Variants in EIF4E3 observed in about 807,000 individuals in gnomAD.
The protein encoded by EIF4E3 is eukaryotic translation initiation factor 4E type 3.
Under a neutral mutation model 31.7 loss-of-function variants are expected in EIF4E3, and 26 were observed. The ratio of observed to expected loss-of-function variants is 0.82; its 90% CI spans 0.60 to 1.14. The LOEUF (loss-of-function observed/expected upper bound fraction) is 1.14. Ranked by LOEUF, EIF4E3 falls within the 50% of genes most tolerant of loss-of-function variation. The pLI, the probability that EIF4E3 is intolerant of heterozygous loss-of-function variation, is 0.00. For synonymous variants in EIF4E3, 128 were observed against 107.7 expected, an observed-to-expected ratio of 1.19 and a Z score of -1.17; for missense variants, 304 against 270.9, an observed-to-expected ratio of 1.12 and a Z score of -0.86.
At chr3:71,667,413 A>C in the EIF4E3 span, among the ~76,000 whole-genome samples, 2 of 152,206 alleles carry the variant, frequency 1.3e-5, no homozygotes, top group Non-Finnish European at 2.9e-5. Flanking sequence ...GCAATTAGGC[A>C]AGAGGAAGAA....
intron 5 of EIF4E3, among the ~76,000 whole-genome samples, chr3:71,691,640 C>G (rs1314224330): frequency 2.0e-5 from 3 of 152,168 alleles, no homozygotes; most frequent in Non-Finnish European, 4.4e-5. Flanking sequence ...CAGTTGTATG[C>G]TTACTTTGTG....
chr3:71,686,678 T>C (rs1297033945), intron 6 of EIF4E3, among the ~76,000 whole-genome samples: 2 of 152,144 alleles, frequency 1.3e-5, no homozygotes, highest in Non-Finnish European at 2.9e-5. Flanking sequence ...AGAGGTACCA[T>C]AGAACTACAG....
At chr3:71,671,058 G>A (rs894492295), downstream of EIF4E3, among the ~76,000 whole-genome samples, 1 of 152,118 alleles carries the variant, frequency 6.6e-6, no homozygotes, top group African/African-American at 2.4e-5. Context: ...TCTAACAGCT[G>A]AACCTCTGTG....
chr3:71,701,688 T>C (rs2049218848), intron 2 of EIF4E3, among the ~76,000 whole-genome samples: 1 of 152,220 alleles, frequency 6.6e-6, no homozygotes, highest in Non-Finnish European at 1.5e-5. Flanking sequence ...TTAGCTATGT[T>C]GAATGATAAT....
intron 1 of EIF4E3, among the ~76,000 whole-genome samples, chr3:71,742,882 G>T (rs2049833878): frequency 6.6e-6 from 1 of 152,154 alleles, no homozygotes; most frequent in Admixed American, 6.5e-5. Context: ...GTAAATCAGT[G>T]TGGTTATCTC....
chr3:71,684,985 G>A (rs1049675049), intron 6 of EIF4E3, among the ~76,000 whole-genome samples: 8 of 152,178 alleles, frequency 5.3e-5, no homozygotes, highest in Non-Finnish European at 1.0e-4. Context: ...CTGTGCCTGG[G>A]AGGATGAGTC....
At chr3:71,661,257 T>A in the EIF4E3 span, among the ~76,000 whole-genome samples, 8 of 152,130 alleles carry the variant, frequency 5.3e-5, no homozygotes, top group Admixed American at 2.0e-4. Flanking sequence ...GCAGTTTCTT[T>A]ACGTTTCTGG....
rs370102267 is a variant in EIF4E3, at chr3:71,707,876, T to C, written c.249+2536A>G. ...TTATTAACTTCTAATTCATTCTTTT[T>C]TTTTTTTTTTTTGAGAGTGTGTGTG... On this transcript the variant is annotated intron_variant, in intron 2 of 6. Coordinates refer to ENST00000425534, the MANE Select transcript of EIF4E3 (RefSeq NM_001134651.2). 2.1e-4 allele frequency among the ~76,000 whole-genome samples: 32 copies of C among 150,834 alleles called. No individual in the cohort carries two copies. The East Asian group carries it at 6.2e-3, about 29-fold the overall frequency.
chr3:71,686,527 C>G (rs1398809528), intron 6 of EIF4E3, among the ~76,000 whole-genome samples: 6 of 140,616 alleles, frequency 4.3e-5, no homozygotes, highest in Middle Eastern at 3.9e-3. Context: ...TTTAACTTTG[C>G]AAATATTTCA....
At position 71,681,626 on chromosome 3, in the gene EIF4E3, A is replaced by C. The variant is rs371380998; in HGVS notation, c.*3056T>G. ...GGCAGATTCTGAGTACTCTCCATTT[A>C]AGGACGCCTGCACCGGGATACAACT... On this transcript the variant is annotated 3_prime_UTR_variant, in exon 7 of 7. Coordinates refer to ENST00000425534, the MANE Select transcript of EIF4E3 (RefSeq NM_001134651.2). The C allele has an allele frequency of 3.3e-5, 5 of 152,316 alleles. No homozygotes were observed. The highest frequency in any genetic ancestry group is 1.2e-4 in the African/African-American group (5 of 41,540). The allele number at this position is 152,316 out of a possible 1,614,324, so 9.4% of individuals were successfully genotyped here.
rs1212955350 is a variant in EIF4E3 at position 71,725,175 on chromosome 3, G to A, written c.176+17C>T. 4.9e-4 allele frequency: 527 copies of A among 1,081,854 alleles called. 1 individual carries two copies. The highest frequency in any genetic ancestry group is 5.6e-4 in the Non-Finnish European group (503 of 894,944). 67.0% of individuals were successfully genotyped at this position (1,081,854 alleles called of 1,614,324 possible). On this transcript the variant is annotated intron_variant, in intron 1 of 6. Coordinates refer to ENST00000425534, the MANE Select transcript of EIF4E3 (RefSeq NM_001134651.2). This position sits in a 1 kb window ranked among gnomAD's most constrained non-coding sequence, Gnocchi z 6.1. Reference sequence around the variant, plus strand: ...CCCGGGTCGGGGCCGTGCGCGGCGGGCCCCGCGCCCCCTCACCTGTCGAGC... The same window carrying A: ...CCCGGGTCGGGGCCGTGCGCGGCGGACCCCGCGCCCCCTCACCTGTCGAGC...
chr3:71,702,773 T>C (rs867785741), intron 2 of EIF4E3, among the ~76,000 whole-genome samples: 1 of 151,530 alleles, frequency 6.6e-6, no homozygotes, highest in South Asian at 2.1e-4. Flanking sequence ...TGTTTCCCTG[T>C]TGCAAACCTC....
At chr3:71,660,796 T>A in the EIF4E3 span, among the ~76,000 whole-genome samples, 1 of 152,144 alleles carries the variant, frequency 6.6e-6, no homozygotes, top group Admixed American at 6.5e-5. Flanking sequence ...GAGATGTCGT[T>A]TTTGGAAAGA....
chr3:71,736,541 A>C (rs1327694315), intron 1 of EIF4E3, among the ~76,000 whole-genome samples: 1 of 152,252 alleles, frequency 6.6e-6, no homozygotes, highest in Non-Finnish European at 1.5e-5. Flanking sequence ...TAAGTGAAGA[A>C]GCCAATCTGA....
upstream of EIF4E3, among the ~76,000 whole-genome samples, chr3:71,726,756 G>A (rs2049644511): frequency 2.0e-5 from 3 of 152,180 alleles, no homozygotes; most frequent in South Asian, 6.2e-4. Context: ...CAAGACCGCT[G>A]CTTTAAACTT....
At position 71,714,501 on chromosome 3, in the gene EIF4E3, G is replaced by A. The variant is rs73837564; in HGVS notation, c.177-4017C>T. The stretch of plus-strand genomic sequence containing the variant: ...TTCAAAGTAACAAAATAGTGATGTC[G>A]GAAGTACTGATGGTAGTAAATACTT... On this transcript the variant is annotated intron_variant, in intron 1 of 6. Transcript: ENST00000425534. Among the ~76,000 whole-genome samples the A allele has an allele frequency of 6.0e-3, 920 of 152,204 alleles. 9 individuals are homozygous for A. The highest frequency in any genetic ancestry group is 0.021 in the African/African-American group (878 of 41,512).
chr3:71,726,391 A>T (rs1180353782), upstream of EIF4E3, among the ~76,000 whole-genome samples: 1 of 152,182 alleles, frequency 6.6e-6, no homozygotes, highest in Non-Finnish European at 1.5e-5. Context: ...GGGCCCTCCT[A>T]ACACAGCATC....
intron 1 of EIF4E3, among the ~76,000 whole-genome samples, chr3:71,717,473 C>A (rs1159858095): frequency 1.3e-5 from 2 of 152,208 alleles, no homozygotes; most frequent in African/African-American, 2.4e-5. Flanking sequence ...GGTTTTCAGG[C>A]AAGGGCTCTC....
At chr3:71,742,612 T>C (rs563307083) in intron 1 of EIF4E3, among the ~76,000 whole-genome samples, 12 of 152,080 alleles carry the variant, frequency 7.9e-5, no homozygotes, top group Non-Finnish European at 1.8e-4. Context: ...AGAGAATACA[T>C]TCCAAGTCAT....
Sources: gnomAD v4.1 joint callset for allele counts (sites outside exome capture counted in the v4.1 genomes callset) on GRCh38, gnomAD v4.1.1 for gene constraint, Gnocchi (gnomAD v3.1) non-coding constraint, MANE v1.5 for transcripts, NCBI Gene and HGNC (gene_info 2026-07-23, HGNC 2026-07-21) for gene names.